Variants in MMAA observed in about 807,000 individuals in gnomAD.
MMAA encodes the protein metabolism of cobalamin associated A.
MMAA carries 41 observed loss-of-function variants against 45.0 expected under a neutral mutation model. That is an observed-to-expected ratio of 0.91 (90% confidence interval 0.71 to 1.18). The LOEUF (loss-of-function observed/expected upper bound fraction) is 1.18. Among genes scored for constraint, MMAA ranks in the 50% most tolerant of loss-of-function variants. MMAA has a pLI of 0.00. For synonymous variants in MMAA, 154 were observed against 178.2 expected (o/e 0.86, Z 1.08); for missense variants, 460 against 495.7 (o/e 0.93, Z 0.68).
At chr4:145,651,672 C>T (rs1054866026) in intron 5 of MMAA, among the ~76,000 whole-genome samples, 4 of 152,286 alleles carry the variant, frequency 2.6e-5, no homozygotes, top group South Asian at 2.1e-4. Flanking sequence ...CTCTGACCAA[C>T]GGGCTATAAA....
intron 1 of MMAA, among the ~76,000 whole-genome samples, chr4:145,634,785 G>A (rs74527347): frequency 6.6e-6 from 1 of 151,422 alleles, no homozygotes; most frequent in Admixed American, 6.6e-5. Context: ...ATCCTGCCAG[G>A]ACTGGCTCCT....
chr4:145,624,608 T>C (rs1734160161), intron 1 of MMAA: 5 of 1,325,910 alleles, frequency 3.8e-6, no homozygotes, highest in African/African-American at 1.5e-5. Context: ...TTTGGTGCTT[T>C]AGTTCTATTA....
Position 145,629,888 on chromosome 4 carries a change from C to T in MMAA, c.-65-9187C>T, listed in dbSNP as rs149123095. Among the ~76,000 whole-genome samples, 697 of 152,164 alleles carry T rather than the reference C, an allele frequency of 4.6e-3. 4 individuals are homozygous for T. Among genetic ancestry groups the T allele is most frequent in the Non-Finnish European group, 6.5e-3 (444 of 67,998 alleles). The stretch of plus-strand genomic sequence containing the variant: ...CAGTCATTTCCCACTGGGTGCCTCC[C>T]ATAATATGTGGGAATTATGGGAGCT... On this transcript the variant is annotated intron_variant, in intron 1 of 6. Coordinates refer to ENST00000649156, the MANE Select transcript of MMAA (RefSeq NM_172250.3).
rs1728194971 is a variant in MMAA, at chr4:145,655,248, C to T, written c.1071C>T (p.Ala357=). The T allele has an allele frequency of 6.2e-7, 1 of 1,614,136 alleles. No individual in the cohort carries two copies. The highest frequency in any genetic ancestry group is 8.5e-7 in the Non-Finnish European group (1 of 1,180,026). The part of the protein sequence containing the change: ...DLMLASGELT[A]KRRKQQKVWM... Reference sequence around the variant, plus strand: ...TGCTTGCCAGTGGGGAGCTGACTGCCAAACGACGGAAGCAACAGAAAGTTT... The same window carrying T: ...TGCTTGCCAGTGGGGAGCTGACTGCTAAACGACGGAAGCAACAGAAAGTTT... Residue 357 remains alanine (A), a synonymous_variant, in exon 7 of 7, where the codon GCC becomes GCT. Coordinates refer to ENST00000649156, the MANE Select transcript of MMAA (RefSeq NM_172250.3).
intron 2 of MMAA, 82 bp downstream of exon 2, chr4:145,639,660 T>G: frequency 6.7e-7 from 1 of 1,502,376 alleles, no homozygotes. Context: ...GTCTAAATAG[T>G]TTGCAATCGA....
intron 1 of MMAA, chr4:145,625,514 A>G (rs1734181739): frequency 1.4e-6 from 1 of 735,946 alleles, no homozygotes. Flanking sequence ...AGGGCCCAAT[A>G]TTTGATGAAC....
chr4:145,620,656 T>C (rs896248290), intron 1 of MMAA, among the ~76,000 whole-genome samples: 1 of 152,200 alleles, frequency 6.6e-6, no homozygotes, highest in South Asian at 2.1e-4. Context: ...ATTTTTTGAC[T>C]TTACAGTGGG....
intron 1 of MMAA, among the ~76,000 whole-genome samples, chr4:145,627,978 A>G (rs1734239716): frequency 6.6e-6 from 1 of 152,152 alleles, no homozygotes; most frequent in African/African-American, 2.4e-5. Context: ...AAATTTTTTT[A>G]GTATATATGC....
At chr4:145,643,200 C>T (rs1348992970) in intron 3 of MMAA, among the ~76,000 whole-genome samples, 1 of 152,178 alleles carries the variant, frequency 6.6e-6, no homozygotes, top group Admixed American at 6.5e-5. Context: ...TCTTCCCTTA[C>T]CCCTCTTTAT....
At chr4:145,627,754 T>C (rs558961256) in intron 1 of MMAA, among the ~76,000 whole-genome samples, 2 of 152,142 alleles carry the variant, frequency 1.3e-5, no homozygotes, top group Non-Finnish European at 2.9e-5. Flanking sequence ...ATGTGAACGA[T>C]ATGCACTACA....
rs1560802980 is a variant in MMAA at position 145,655,261 on chromosome 4, C to T, written c.1084C>T (p.Gln362Ter). 1.2e-6 allele frequency: 2 copies of T among 1,614,026 alleles called. No homozygotes were observed. The highest frequency in any genetic ancestry group is 2.7e-5 in the African/African-American group (2 of 74,892). ...GGAGCTGACTGCCAAACGACGGAAG[C>T]AACAGAAAGTTTGGATGTGGAATCT... ...SGELTAKRRK[Q>*]QKVWMWNLIQ... Residue 362 changes from glutamine to a stop codon, truncating the protein, a stop_gained, in exon 7 of 7, where the codon CAA (glutamine) becomes TAA (stop). Transcript: ENST00000649156. LOFTEE classifies it high-confidence loss of function.
intron 5 of MMAA, among the ~76,000 whole-genome samples, chr4:145,652,163 C>A (rs1209632425): frequency 6.6e-6 from 1 of 152,134 alleles, no homozygotes; most frequent in Non-Finnish European, 1.5e-5. Context: ...GGCCGAAATG[C>A]AAAGCTTCTG....
At position 145,641,186 on chromosome 4, in the gene MMAA, A is replaced by G. The variant is rs913331929; in HGVS notation, c.440-1177A>G. Among the ~76,000 whole-genome samples, 14 of 152,222 alleles carry G rather than the reference A, an allele frequency of 9.2e-5. No individual in the cohort carries two copies. The South Asian group carries it at 2.5e-3, about 27-fold the overall frequency. ...TCTTTATGTATGGTAAACAAAGATA[A>G]TAGCAAACTCCCGCAGAGAAATTCT... On this transcript the variant is annotated intron_variant, in intron 2 of 6. Coordinates refer to ENST00000649156, the MANE Select transcript of MMAA (RefSeq NM_172250.3).
At chr4:145,650,749 C>A in intron 4 of MMAA, 1 of 387,230 alleles carries the variant, frequency 2.6e-6, no homozygotes, top group Non-Finnish European at 4.8e-6. Flanking sequence ...ATTAGAGTCA[C>A]AGTGTTCAAG....
chr4:145,634,514 C>G (rs1332705723), intron 1 of MMAA, among the ~76,000 whole-genome samples: 21 of 151,964 alleles, frequency 1.4e-4, no homozygotes, highest in Admixed American at 1.3e-3. Context: ...GAGCCAAGGC[C>G]TGGAACTGGG....
At chr4:145,648,015 C>A (rs1299289820) in intron 4 of MMAA, among the ~76,000 whole-genome samples, 1 of 150,620 alleles carries the variant, frequency 6.6e-6, no homozygotes, top group Non-Finnish European at 1.5e-5. Flanking sequence ...TGCCACCATG[C>A]CCAGCTAATT....
chr4:145,641,231 C>T (rs1727772527), intron 2 of MMAA, among the ~76,000 whole-genome samples: 1 of 152,190 alleles, frequency 6.6e-6, no homozygotes, highest in Non-Finnish European at 1.5e-5. Flanking sequence ...AAAGTGCCTA[C>T]TTACTAAGAT....
At chr4:145,621,055 G>C (rs1734078696) in intron 1 of MMAA, among the ~76,000 whole-genome samples, 1 of 152,190 alleles carries the variant, frequency 6.6e-6, no homozygotes, top group Non-Finnish European at 1.5e-5. Context: ...AAGGAGGACT[G>C]AGGAGGGAGA....
At chr4:145,645,148 G>C (rs114259098) in intron 3 of MMAA, among the ~76,000 whole-genome samples, 3 of 152,268 alleles carry the variant, frequency 2.0e-5, no homozygotes, top group African/African-American at 7.2e-5. Flanking sequence ...TAGCATTTAC[G>C]TAAGGTTGAG....
Sources: gnomAD v4.1 joint callset for allele counts (sites outside exome capture counted in the v4.1 genomes callset) on GRCh38, gnomAD v4.1.1 for gene constraint, MANE v1.5 for transcripts, NCBI Gene and HGNC (gene_info 2026-07-23, HGNC 2026-07-21) for gene names.